PIP5KL1: variants seen among roughly 807,000 people sequenced by gnomAD.
PIP5KL1 encodes phosphatidylinositol-4-phosphate 5-kinase like 1, also known as phosphatidylinositol 4-phosphate 5-kinase-like protein 1.
Under a neutral mutation model 47.6 loss-of-function variants are expected in PIP5KL1, and 45 were observed. The ratio of observed to expected loss-of-function variants is 0.94; its 90% CI spans 0.74 to 1.21. PIP5KL1 has a LOEUF of 1.21. PIP5KL1 is among the 50% of genes most tolerant of loss of function. PIP5KL1 has a pLI of 0.00. For synonymous variants in PIP5KL1, 256 were observed against 234.6 expected (o/e 1.09, Z -0.84); for missense variants, 577 against 547.6 (o/e 1.05, Z -0.54).
chr9:127,925,304 C>G lies in PIP5KL1; in HGVS notation c.764-44G>C, dbSNP rs538269009. On this transcript the variant is annotated intron_variant, in intron 8 of 9. Coordinates refer to ENST00000388747, the MANE Select transcript of PIP5KL1 (RefSeq NM_001135219.2). ...CCCCACCTGAGCGCTCATCATGTGC[C>G]AGCCACGGTGCTCCACACACTCTGC... 8.1e-6 allele frequency: 13 copies of G among 1,598,806 alleles called. No individual in the cohort carries two copies. In the African/African-American group the frequency reaches 1.2e-4, roughly 15 times the overall value.
intron 9 of PIP5KL1, among the ~76,000 whole-genome samples, chr9:127,922,708 A>AAAG (rs1554720846): frequency 1.2e-4 from 17 of 140,832 alleles, no homozygotes; most frequent in Non-Finnish European, 1.6e-4. Context: ...AAAAAAAAAA[A>AAAG]AAAGAAAAAA....
rs780826532 is a variant in PIP5KL1, at chr9:127,922,062, G to T, written c.970C>A (p.Leu324Met). The T allele has an allele frequency of 8.3e-6, 13 of 1,563,616 alleles. 1 individual carries two copies. In the Middle Eastern group the frequency reaches 5.0e-4, roughly 60 times the overall value. ...PEESRAQNRR[L>M]LPDAPNALHI... ...AGGGCGTTGGGGGCGTCGGGCAGCA[G>T]CCGGCGGTTTTGGGCTCTCGACTCT... Residue 324 changes from leucine to methionine, a missense_variant, in exon 10 of 10, where the codon CTG (leucine) becomes ATG (methionine). Leu to Met is a conservative substitution (Grantham distance 15). Coordinates refer to ENST00000388747, the MANE Select transcript of PIP5KL1 (RefSeq NM_001135219.2).
At chr9:127,924,524 G>C (rs1173976909) in intron 9 of PIP5KL1, among the ~76,000 whole-genome samples, 3 of 150,736 alleles carry the variant, frequency 2.0e-5, no homozygotes, top group Admixed American at 1.3e-4. Flanking sequence ...AGGCATGGTG[G>C]GGATGCCTGT....
rs187255397 is a variant in PIP5KL1 at position 127,924,037 on chromosome 9, G to A, written c.917+1070C>T. ...TGATGATGACGTCAGCGTCCTGGAA[G>A]TGGAATGACCAGCTAAAAAGGGCAA... On this transcript the variant is annotated intron_variant, in intron 9 of 9. Transcript: ENST00000388747. Among the ~76,000 whole-genome samples, 823 of 152,362 alleles carry A rather than the reference G, an allele frequency of 5.4e-3. 17 individuals are homozygous for A. The highest frequency in any genetic ancestry group is 0.024 in the Middle Eastern group (7 of 294).
chr9:127,921,974 T>C lies in PIP5KL1; in HGVS notation c.1058A>G (p.Tyr353Cys). 6.3e-7 allele frequency: 1 copy of C among 1,577,618 alleles called. No individual in the cohort carries two copies. The highest frequency in any genetic ancestry group is 1.2e-5 in the South Asian group (1 of 86,540). The change falls in exon 10 of 10, where the codon TAC becomes TGC. Residue 353 changes from tyrosine (Y) to cysteine (C), a missense_variant. Coordinates refer to ENST00000388747, the MANE Select transcript of PIP5KL1 (RefSeq NM_001135219.2). The stretch of plus-strand genomic sequence containing the variant: ...GTGCTCCAGCCGCTTGCGGAGCCCG[T>C]AGACTGTGGCGAGATCCACGACGCC... ...FLGVVDLATV[Y>C]GLRKRLEHLW...
chr9:127,924,612 C>T (rs1377875645), intron 9 of PIP5KL1, among the ~76,000 whole-genome samples: 1 of 146,970 alleles, frequency 6.8e-6, no homozygotes, highest in East Asian at 2.0e-4. Context: ...GCCGAGAGGG[C>T]ACCACTGCAT....
chr9:127,921,779 G>A lies in PIP5KL1; in HGVS notation c.*68C>T, dbSNP rs867341601. On this transcript the variant is annotated 3_prime_UTR_variant, in exon 10 of 10. Coordinates refer to ENST00000388747, the MANE Select transcript of PIP5KL1 (RefSeq NM_001135219.2). ...GAGGAAGCGCAGGCGAGATGCCCGGGCCCGGGGGAACCGGCGTTCCTGGCG... is the reference window on the plus strand; with the variant it reads ...GAGGAAGCGCAGGCGAGATGCCCGGACCCGGGGGAACCGGCGTTCCTGGCG... 4.0e-6 allele frequency: 6 copies of A among 1,490,902 alleles called. No homozygotes were observed. The South Asian group carries it at 6.4e-5, about 16-fold the overall frequency. 92.4% of individuals were successfully genotyped at this position (1,490,902 alleles called of 1,614,324 possible).
chr9:127,926,551 C>T (rs1052411027), intron 7 of PIP5KL1, among the ~76,000 whole-genome samples: 3 of 152,246 alleles, frequency 2.0e-5, no homozygotes, highest in Non-Finnish European at 4.4e-5. Flanking sequence ...CGCACCATGC[C>T]CGGCCCTATA....
chr9:127,930,073 C>G (rs1031653409), intron 1 of PIP5KL1, among the ~76,000 whole-genome samples, 188 bp from the exon 2 acceptor site: 1 of 152,164 alleles, frequency 6.6e-6, no homozygotes, highest in Admixed American at 6.5e-5. Flanking sequence ...GCAGTCAGCA[C>G]CCGAATAGAG....
At position 127,929,705 on chromosome 9, in the gene PIP5KL1, T is replaced by C. The variant is rs749598860; in HGVS notation, c.211A>G (p.Met71Val). 3.2e-6 allele frequency: 5 copies of C among 1,579,944 alleles called. No individual in the cohort carries two copies. Among genetic ancestry groups the C allele is most frequent in the Non-Finnish European group, 4.3e-6 (5 of 1,160,730 alleles). ...CCACTCACCGTGGGTGGGTGGTCCA[T>C]GGAGACCTGGGTGGCAGCCCACAGC... ...AGLWAATQVS[M>V]DHPPTGPPSR... Residue 71 changes from methionine to valine, a missense_variant, in exon 2 of 10, where the codon ATG becomes GTG. Transcript: ENST00000388747. The surrounding 1 kb of genome is among the most constrained non-coding windows in gnomAD (Gnocchi z 4.0).
intron 9 of PIP5KL1, among the ~76,000 whole-genome samples, chr9:127,923,755 C>T (rs982428840): frequency 3.9e-5 from 6 of 152,272 alleles, no homozygotes; most frequent in Admixed American, 3.9e-4. Flanking sequence ...CCCACTGGAT[C>T]AATGGAGTGC....
Position 127,928,115 on chromosome 9 carries a change from G to C in PIP5KL1, c.384C>G (p.Pro128=). 2 of 1,565,462 alleles carry C rather than the reference G, an allele frequency of 1.3e-6. No individual in the cohort carries two copies. The highest frequency in any genetic ancestry group is 1.7e-6 in the Non-Finnish European group (2 of 1,157,118). The change falls in exon 4 of 10, where the codon CCC becomes CCG. Residue 128 remains proline (P), a synonymous_variant. Transcript: ENST00000388747. ...TGGAGGTGCTGAGGAACTGCAGGTAGGGGCCGCCGGGGCCCAGGGCAGCCT... is the reference window on the plus strand; with the variant it reads ...TGGAGGTGCTGAGGAACTGCAGGTACGGGCCGCCGGGGCCCAGGGCAGCCT... ...DYQAALGPGG[P]YLQFLSTSKS... is the part of the protein sequence containing the mutation.
intron 9 of PIP5KL1, 150 bp downstream of exon 9, chr9:127,924,957 C>T (rs1313550858): frequency 9.7e-6 from 10 of 1,036,146 alleles, no homozygotes; most frequent in Middle Eastern, 4.2e-4. Context: ...TGCACACACG[C>T]GCGCACACGC....
In PIP5KL1 at chr9:127,930,704, CTCTCGGGT is replaced by C; in HGVS notation, c.30+11_30+18del. 1 of 1,566,124 alleles carries C rather than the reference CTCTCGGGT, an allele frequency of 6.4e-7. No individual in the cohort carries two copies. The highest frequency in any genetic ancestry group is 1.2e-5 in the South Asian group (1 of 84,326). On this transcript the variant is annotated intron_variant, in intron 1 of 9. Coordinates refer to ENST00000388747, the MANE Select transcript of PIP5KL1 (RefSeq NM_001135219.2). ...CACCAACCCTTCCCTCTCCTGTCCT[CTCTCGGGT>C]CCGCACCTACCTCGCGGGGCCCCGG...
intron 9 of PIP5KL1, among the ~76,000 whole-genome samples, chr9:127,922,997 C>G (rs996600709): frequency 1.3e-5 from 2 of 152,198 alleles, no homozygotes; most frequent in African/African-American, 4.8e-5. Flanking sequence ...TCAGGTAAGT[C>G]TATTTCCTAA....
At position 127,928,187 on chromosome 9, in the gene PIP5KL1, G is replaced by A. The variant is rs2131640687; in HGVS notation, c.312C>T (p.Ala104=). 1.0e-5 allele frequency: 16 copies of A among 1,539,190 alleles called. No individual in the cohort carries two copies. The highest frequency in any genetic ancestry group is 1.4e-5 in the Non-Finnish European group (16 of 1,143,090). The change falls in exon 4 of 10, where the codon GCC becomes GCT. Residue 104 remains alanine, a synonymous_variant. Coordinates refer to ENST00000388747, the MANE Select transcript of PIP5KL1 (RefSeq NM_001135219.2). ...CCAGGGAGCGGCGCAGCCAGGCAAA[G>A]GCGGGGCCGGCCAGCGTGCCCAGCT... ...GFELGTLAGP[A]FAWLRRSLGL... is the part of the protein sequence containing the mutation.
In PIP5KL1 at chr9:127,927,792, G is replaced by C; in HGVS notation, c.435-20C>G. 1 of 1,555,986 alleles carries C rather than the reference G, an allele frequency of 6.4e-7. No individual in the cohort carries two copies. Among genetic ancestry groups the C allele is most frequent in the Non-Finnish European group, 8.7e-7 (1 of 1,151,492 alleles). On this transcript the variant is annotated intron_variant, in intron 4 of 9. Coordinates refer to ENST00000388747, the MANE Select transcript of PIP5KL1 (RefSeq NM_001135219.2). The surrounding 1 kb of genome is among the most constrained non-coding windows in gnomAD (Gnocchi z 5.5). ...TCGTGGCTGGGGGGCAAGAGAAAGA[G>C]GTCACTGCCCAGGCCTGGCTGGAGC...
intron 2 of PIP5KL1, chr9:127,928,883 G>C: frequency 4.2e-6 from 1 of 235,420 alleles, no homozygotes. Flanking sequence ...CCTTCCTGGG[G>C]GTGGAGACCT....
At chr9:127,922,338 G>C (rs1831295309) in intron 9 of PIP5KL1, among the ~76,000 whole-genome samples, 1 of 152,096 alleles carries the variant, frequency 6.6e-6, no homozygotes, top group Non-Finnish European at 1.5e-5. Context: ...CCTTGAATGT[G>C]GCTATTCCTA....
Sources: gnomAD v4.1 joint callset for allele counts (sites outside exome capture counted in the v4.1 genomes callset) on GRCh38, gnomAD v4.1.1 for gene constraint, Gnocchi (gnomAD v3.1) non-coding constraint, MANE v1.5 for transcripts, NCBI Gene and HGNC (gene_info 2026-07-23, HGNC 2026-07-21) for gene names.